METTL2A: variants seen among roughly 807,000 people sequenced by gnomAD.
METTL2A encodes methyltransferase 2A, tRNA N3-cytidine, also known as tRNA N(3)-cytidine methyltransferase METTL2A.
METTL2A carries 45 observed loss-of-function variants against 49.4 expected under a neutral mutation model. That is an observed-to-expected ratio of 0.91 (90% confidence interval 0.72 to 1.17). The LOEUF is 1.17. METTL2A is among the 50% of genes most tolerant of loss of function. METTL2A has a pLI of 0.00. For missense variants in METTL2A, 361 were observed against 462.2 expected (o/e 0.78, Z 2.01); for synonymous variants, 118 against 167.5 (o/e 0.70, Z 2.28).
chr17:62,436,706 G>A (rs1411228664), intron 5 of METTL2A, among the ~76,000 whole-genome samples: 2 of 152,208 alleles, frequency 1.3e-5, no homozygotes, highest in African/African-American at 2.4e-5. Flanking sequence ...AAGGGTTGGG[G>A]TGGTCGTTGC....
In METTL2A at chr17:62,442,136, G is replaced by C. The variant is rs2070742526; in HGVS notation, c.809+1380G>C. On this transcript the variant is annotated intron_variant, in intron 6 of 8. Coordinates refer to ENST00000311506, the MANE Select transcript of METTL2A (RefSeq NM_181725.4). Reference sequence around the variant, plus strand: ...TTGAACCTTAACTAAGGTGTTCTCTGATGCTTACAGTGTTTTAGGAAAGTG... The same window carrying C: ...TTGAACCTTAACTAAGGTGTTCTCTCATGCTTACAGTGTTTTAGGAAAGTG... Among the ~76,000 whole-genome samples the C allele has an allele frequency of 2.0e-5, 3 of 152,318 alleles. No individual in the cohort carries two copies. The South Asian group carries it at 6.2e-4, about 32-fold the overall frequency.
rs2070804782 is a variant in METTL2A at position 62,451,353 on chromosome 17, G to A, written c.*2624G>A. On this transcript the variant is annotated 3_prime_UTR_variant, in exon 9 of 9. Transcript: ENST00000311506. ...AGTAGAGACAGAGTTTCTCCATGTT[G>A]GTCAGGCTGATCTCGAACTCCCGAC... 6.6e-6 allele frequency among the ~76,000 whole-genome samples: 1 copy of A among 151,184 alleles called. No individual in the cohort carries two copies. Among genetic ancestry groups the A allele is most frequent in the South Asian group, 2.1e-4 (1 of 4,810 alleles).
chr17:62,431,895 A>G (rs145622515), intron 4 of METTL2A, among the ~76,000 whole-genome samples: 1,599 of 151,954 alleles, frequency 0.011, 25 homozygotes, highest in African/African-American at 0.037. Context: ...TAATTTTTGT[A>G]TTTTTAGAAG....
At position 62,451,119 on chromosome 17, in the gene METTL2A, C is replaced by A. The variant is rs867108912; in HGVS notation, c.*2390C>A. ...CCCAAGGCAGGAGTTCAAGACCAGG[C>A]TGGGTAATGTAGCAAGACCCTGACT... On this transcript the variant is annotated 3_prime_UTR_variant, in exon 9 of 9. Coordinates refer to ENST00000311506, the MANE Select transcript of METTL2A (RefSeq NM_181725.4). 1.4e-5 allele frequency among the ~76,000 whole-genome samples: 2 copies of A among 147,978 alleles called. No homozygotes were observed. The highest frequency in any genetic ancestry group is 4.4e-4 in the South Asian group (2 of 4,582).
At chr17:62,427,880 G>A (rs1440781333) in intron 4 of METTL2A, 43 bp downstream of exon 4, 1 of 1,567,158 alleles carries the variant, frequency 6.4e-7, no homozygotes, top group Admixed American at 1.9e-5. Context: ...GAAGATAAAA[G>A]TGAAGGTTGG....
In METTL2A at chr17:62,452,681, A is replaced by G. The variant is rs912008319; in HGVS notation, c.*3952A>G. On this transcript the variant is annotated 3_prime_UTR_variant, in exon 9 of 9. Coordinates refer to ENST00000311506, the MANE Select transcript of METTL2A (RefSeq NM_181725.4). ...CAGGCTGGAATGCAGCAGCACGATC[A>G]CTGCTCACTGCAGCCTCGACCTCCC... 6.6e-5 allele frequency among the ~76,000 whole-genome samples: 10 copies of G among 152,138 alleles called. No homozygotes were observed. The highest frequency in any genetic ancestry group is 1.3e-4 in the Non-Finnish European group (9 of 68,024).
In METTL2A at chr17:62,448,775, C is replaced by G. The variant is rs549748253; in HGVS notation, c.*46C>G. 1 of 1,595,954 alleles carries G rather than the reference C, an allele frequency of 6.3e-7. No individual in the cohort carries two copies. Among genetic ancestry groups the G allele is most frequent in the East Asian group, 2.2e-5 (1 of 44,572 alleles). ...GATGCAAGCCCATTGTGTTTCCGGG[C>G]TTTTTTAAAAAAAAAATTGTAGCAC... On this transcript the variant is annotated 3_prime_UTR_variant, in exon 9 of 9. Coordinates refer to ENST00000311506, the MANE Select transcript of METTL2A (RefSeq NM_181725.4).
chr17:62,440,508 C>T, intron 5 of METTL2A, 109 bp from the exon 6 acceptor site: 1 of 1,419,032 alleles, frequency 7.0e-7, no homozygotes, highest in South Asian at 1.5e-5. Context: ...GAAATATATC[C>T]CTCTTTGTGA....
At position 62,437,638 on chromosome 17, in the gene METTL2A, C is replaced by T. The variant is rs1272672111; in HGVS notation, c.669+2346C>T. ...CTTTGGCCAATGAGAAACAAACTCA[C>T]ATATTTGCAGAAGACGGACATTGAG... On this transcript the variant is annotated intron_variant, in intron 5 of 8. Coordinates refer to ENST00000311506, the MANE Select transcript of METTL2A (RefSeq NM_181725.4). Among the ~76,000 whole-genome samples, 5 of 152,226 alleles carry T rather than the reference C, an allele frequency of 3.3e-5. No individual in the cohort carries two copies. The East Asian group carries it at 9.7e-4, about 29-fold the overall frequency.
intron 6 of METTL2A, among the ~76,000 whole-genome samples, chr17:62,443,676 G>A (rs1422319914): frequency 1.3e-5 from 2 of 151,886 alleles, no homozygotes; most frequent in African/African-American, 2.4e-5. Flanking sequence ...TGCAATCTCC[G>A]CCTCCCAGGT....
chr17:62,427,741 A>G lies in METTL2A; in HGVS notation c.559-47A>G, dbSNP rs370645522. 42 of 1,612,388 alleles carry G rather than the reference A, an allele frequency of 2.6e-5. No individual in the cohort carries two copies. The East Asian group carries it at 8.0e-4, about 31-fold the overall frequency. Reference sequence around the variant, plus strand: ...TTTCTAGCTTTTCTAGCTTTAGGGAATTAACTCTGGAAAGTTCTGTGATTA... The same window carrying G: ...TTTCTAGCTTTTCTAGCTTTAGGGAGTTAACTCTGGAAAGTTCTGTGATTA... On this transcript the variant is annotated intron_variant, in intron 3 of 8. Transcript: ENST00000311506.
At chr17:62,425,306 C>T (rs1227692077) in intron 2 of METTL2A, among the ~76,000 whole-genome samples, 1 of 150,720 alleles carries the variant, frequency 6.6e-6, no homozygotes, top group Non-Finnish European at 1.5e-5. Flanking sequence ...TAGTCAAGGC[C>T]CCCTGAATTG....
At chr17:62,444,965 C>G (rs1218237873) in intron 7 of METTL2A, 22 bp downstream of exon 7, 5 of 1,611,054 alleles carry the variant, frequency 3.1e-6, no homozygotes, top group Non-Finnish European at 3.4e-6. Context: ...GTGCTGAATC[C>G]TAACCACTAG....
chr17:62,430,071 C>A (rs2070654782), intron 4 of METTL2A, among the ~76,000 whole-genome samples: 1 of 152,180 alleles, frequency 6.6e-6, no homozygotes, highest in African/African-American at 2.4e-5. Flanking sequence ...ATATACTTTG[C>A]CAATTTAGCC....
chr17:62,434,469 G>A lies in METTL2A; in HGVS notation c.609-763G>A, dbSNP rs1241877719. Reference sequence around the variant, plus strand: ...CAACAGTGCAGAAGAGTTCTGGGCTGTTGTTTCTAAAATGCAAGCATACAG... The same window carrying A: ...CAACAGTGCAGAAGAGTTCTGGGCTATTGTTTCTAAAATGCAAGCATACAG... On this transcript the variant is annotated intron_variant, in intron 4 of 8. Transcript: ENST00000311506. Among the ~76,000 whole-genome samples, 4 of 152,268 alleles carry A rather than the reference G, an allele frequency of 2.6e-5. No individual in the cohort carries two copies. The South Asian group carries it at 8.3e-4, about 32-fold the overall frequency.
chr17:62,440,598 G>A lies in METTL2A; in HGVS notation c.670-19G>A. The A allele has an allele frequency of 6.3e-7, 1 of 1,599,988 alleles. No homozygotes were observed. Among genetic ancestry groups the A allele is most frequent in the Non-Finnish European group, 8.5e-7 (1 of 1,175,696 alleles). The stretch of plus-strand genomic sequence containing the variant: ...TGTTAATATTTTCTAACTTACCTGT[G>A]TCTTCCATCTGTCTGCAGACAAATT... On this transcript the variant is annotated intron_variant, in intron 5 of 8. Transcript: ENST00000311506.
intron 4 of METTL2A, among the ~76,000 whole-genome samples, chr17:62,431,221 G>A (rs991908823): frequency 1.3e-5 from 2 of 151,582 alleles, no homozygotes; most frequent in Admixed American, 6.6e-5. Context: ...GGCGGGTCTC[G>A]AACTCCTGAC....
chr17:62,439,030 G>A (rs1389582767), intron 5 of METTL2A, among the ~76,000 whole-genome samples: 1 of 144,380 alleles, frequency 6.9e-6, no homozygotes, highest in East Asian at 2.2e-4. Context: ...CCAGGCTGGA[G>A]TGCAGTGGCG....
chr17:62,452,303 C>T lies in METTL2A; in HGVS notation c.*3574C>T, dbSNP rs183456683. On this transcript the variant is annotated 3_prime_UTR_variant, in exon 9 of 9. Transcript: ENST00000311506. Reference sequence around the variant, plus strand: ...CCTCCCATAGGATCGTATCAGGCGACACATGATTATGAATTTCCCCATTAT... The same window carrying T: ...CCTCCCATAGGATCGTATCAGGCGATACATGATTATGAATTTCCCCATTAT... 2.0e-5 allele frequency among the ~76,000 whole-genome samples: 3 copies of T among 152,246 alleles called. No homozygotes were observed. The highest frequency in any genetic ancestry group is 7.2e-5 in the African/African-American group (3 of 41,570).
Sources: allele counts gnomAD v4.1 joint callset (sites outside exome capture counted in the v4.1 genomes callset), GRCh38; gene constraint gnomAD v4.1.1; transcripts MANE v1.5; gene names NCBI Gene and HGNC (gene_info 2026-07-23, HGNC 2026-07-21).